The following PFKFB3 variants were observed in gnomAD, a reference collection of about 807,000 sequenced individuals.
PFKFB3 encodes 6-phosphofructo-2-kinase/fructose-2,6-bisphosphatase 3.
PFKFB3 carries 33 observed loss-of-function variants against 68.0 expected under a neutral mutation model. The ratio of observed to expected loss-of-function variants is 0.49; its 90% CI spans 0.37 to 0.65. The LOEUF (loss-of-function observed/expected upper bound fraction) is 0.65. Among genes scored for constraint, PFKFB3 ranks in the 30% least tolerant of loss-of-function variants. The pLI is 0.00. For synonymous variants in PFKFB3, 315 were observed against 288.2 expected (o/e 1.09, Z -0.94); for missense variants, 586 against 712.2 (o/e 0.82, Z 2.02).
Position 6,228,101 on chromosome 10 carries a change from T to A in PFKFB3, c.1515+1736T>A. On this transcript the variant is annotated intron_variant, in intron 14 of 14. Coordinates refer to ENST00000379775, the MANE Select transcript of PFKFB3 (RefSeq NM_004566.4). This position sits in a 1 kb window ranked among gnomAD's most constrained non-coding sequence, Gnocchi z 4.5. ...CCAGGTTCTTAGGGACGTCTGAAGC[T>A]GCTGGCTGGGCCGGCGTGGGGTTTT... The A allele has an allele frequency of 7.2e-7, 1 of 1,384,864 alleles. No individual in the cohort carries two copies. Among genetic ancestry groups the A allele is most frequent in the Non-Finnish European group, 1.0e-6 (1 of 975,330 alleles). 85.8% of individuals were successfully genotyped at this position (1,384,864 alleles called of 1,614,324 possible).
the PFKFB3 span, among the ~76,000 whole-genome samples, chr10:6,320,931 C>T: frequency 6.6e-6 from 1 of 152,224 alleles, no homozygotes; most frequent in Admixed American, 6.5e-5. Context: ...CAGTGAATTT[C>T]TGCCCAGTTC....
intron 1 of PFKFB3, among the ~76,000 whole-genome samples, chr10:6,211,547 C>G (rs1844231575): frequency 1.3e-5 from 2 of 152,166 alleles, no homozygotes; most frequent in Admixed American, 1.3e-4. Context: ...CCAGAATGAC[C>G]CTGGGCACGG....
chr10:6,226,414 T>G lies in PFKFB3; in HGVS notation c.1515+49T>G, dbSNP rs770695865. 1.4e-5 allele frequency: 21 copies of G among 1,540,656 alleles called. No individual in the cohort carries two copies. The African/African-American group carries it at 2.5e-4, about 18-fold the overall frequency. On this transcript the variant is annotated intron_variant, in intron 14 of 14. Transcript: ENST00000379775. ...CTGCCTGGGGGACGCATGCCGGGCG[T>G]GATGCCACAGATCTGGGATTGCGTG...
intron 1 of PFKFB3, among the ~76,000 whole-genome samples, chr10:6,186,787 T>C (rs565525098): frequency 2.6e-5 from 4 of 152,286 alleles, no homozygotes; most frequent in African/African-American, 7.2e-5. Context: ...TGTGAGCCAC[T>C]GCACCTAGCC....
chr10:6,172,404 C>G (rs1232006395), intron 1 of PFKFB3, among the ~76,000 whole-genome samples: 1 of 152,198 alleles, frequency 6.6e-6, no homozygotes, highest in East Asian at 1.9e-4. Flanking sequence ...CTTTCCTGGC[C>G]TCATACTTGT....
At chr10:6,196,120 G>C (rs1392688808) in intron 1 of PFKFB3, among the ~76,000 whole-genome samples, 2 of 151,462 alleles carry the variant, frequency 1.3e-5, no homozygotes, top group African/African-American at 4.9e-5. Flanking sequence ...GCTGCCTCGT[G>C]AGCTTGCCTT....
chr10:6,301,315 G>A, the PFKFB3 span, among the ~76,000 whole-genome samples: 1 of 152,134 alleles, frequency 6.6e-6, no homozygotes, highest in Non-Finnish European at 1.5e-5. Context: ...ACACCTGTAA[G>A]GCATCTGGTA....
rs1844479584 is a variant in PFKFB3, at chr10:6,215,159, C to T, written c.203-62C>T. 32 of 1,388,514 alleles carry T rather than the reference C, an allele frequency of 2.3e-5. No individual in the cohort carries two copies. The highest frequency in any genetic ancestry group is 1.4e-4 in the Admixed American group (8 of 59,106). 86.0% of individuals were successfully genotyped at this position (1,388,514 alleles called of 1,614,324 possible). A position where few individuals can be genotyped will look rare whatever the true frequency, so the allele number is the denominator to read the frequency against. ...CTTCCTTTGGTCGATCCTATGGTCC[C>T]GGTGTGAGCTGGCCCCTTCCTCCTG... On this transcript the variant is annotated intron_variant, in intron 2 of 14. Transcript: ENST00000379775. The surrounding 1 kb of genome is among the most constrained non-coding windows in gnomAD (Gnocchi z 4.3).
chr10:6,314,786 C>A, the PFKFB3 span, among the ~76,000 whole-genome samples: 1 of 152,146 alleles, frequency 6.6e-6, no homozygotes, highest in African/African-American at 2.4e-5. Flanking sequence ...GACAGCCTGA[C>A]GGGAAGGGCT....
At position 6,220,845 on chromosome 10, in the gene PFKFB3, C is replaced by T; in HGVS notation, c.811C>T (p.Leu271=). The change falls in exon 8 of 15, where the codon CTG becomes TTG. Residue 271 remains leucine, a synonymous_variant. Transcript: ENST00000379775. This position sits in a 1 kb window ranked among gnomAD's most constrained non-coding sequence, Gnocchi z 4.1. ...GGGCCGCATCGGGGGCGACTCAGGC[C>T]TGTCCAGCCGGGGCAAGAAGGTGCG... ...LQGRIGGDSG[L]SSRGKKFASA... 2 of 1,612,252 alleles carry T rather than the reference C, an allele frequency of 1.2e-6. No homozygotes were observed. Among genetic ancestry groups the T allele is most frequent in the Non-Finnish European group, 1.7e-6 (2 of 1,179,998 alleles).
chr10:6,250,283 C>A (rs893509499), intron 14 of PFKFB3, among the ~76,000 whole-genome samples: 1 of 151,926 alleles, frequency 6.6e-6, no homozygotes, highest in Non-Finnish European at 1.5e-5. Context: ...GAGGCGGGGT[C>A]GGCCAGGCGC....
intron 1 of PFKFB3, among the ~76,000 whole-genome samples, chr10:6,204,794 T>C (rs1843577890): frequency 6.6e-6 from 1 of 152,274 alleles, no homozygotes; most frequent in African/African-American, 2.4e-5. Context: ...GAAACAACTT[T>C]TGCATAAAGC....
chr10:6,164,902 A>T (rs971759003), intron 1 of PFKFB3, among the ~76,000 whole-genome samples: 2 of 152,036 alleles, frequency 1.3e-5, no homozygotes, highest in Non-Finnish European at 2.9e-5. Context: ...CTCCTATCTC[A>T]GAATAGAACG....
the PFKFB3 span, among the ~76,000 whole-genome samples, chr10:6,275,390 ACAGGAAGTAGCTGACACTCCATGC>A: frequency 6.6e-5 from 10 of 152,200 alleles, no homozygotes; most frequent in Non-Finnish European, 1.3e-4. The surrounding 1 kb of genome is among the most constrained non-coding windows in gnomAD (Gnocchi z 4.9). Flanking sequence ...CCTGACTCAG[ACAGGAAGTAGCTGACACTCCATGC>A]CAGGAAGTAG....
chr10:6,157,676 C>G (rs1460977651), intron 1 of PFKFB3, among the ~76,000 whole-genome samples: 1 of 152,148 alleles, frequency 6.6e-6, no homozygotes, highest in East Asian at 1.9e-4. Context: ...CAAAGGGAAC[C>G]CACTTCAAGC....
At chr10:6,206,374 A>ATCC (rs1843687857) in intron 1 of PFKFB3, among the ~76,000 whole-genome samples, 2 of 134,596 alleles carry the variant, frequency 1.5e-5, no homozygotes, top group African/African-American at 2.9e-5. Flanking sequence ...CACAGCAACC[A>ATCC]TCCGATTTCT....
intron 1 of PFKFB3, among the ~76,000 whole-genome samples, chr10:6,179,048 G>A (rs1842624211): frequency 6.6e-6 from 1 of 152,244 alleles, no homozygotes; most frequent in African/African-American, 2.4e-5. Flanking sequence ...GAAAGGCAAT[G>A]TGTTCAAAGT....
At chr10:6,169,563 G>A (rs981460505) in intron 1 of PFKFB3, among the ~76,000 whole-genome samples, 8 of 152,152 alleles carry the variant, frequency 5.3e-5, no homozygotes, top group Non-Finnish European at 1.0e-4. Flanking sequence ...GTTCTCCTGG[G>A]ATAAGATGGG....
intron 1 of PFKFB3, among the ~76,000 whole-genome samples, chr10:6,180,263 A>G (rs897214577): frequency 1.3e-5 from 2 of 152,212 alleles, no homozygotes; most frequent in Non-Finnish European, 2.9e-5. Flanking sequence ...AGACAGCATG[A>G]ACCTCAGGTT....
Sources: allele counts gnomAD v4.1 joint callset (sites outside exome capture counted in the v4.1 genomes callset), GRCh38; gene constraint gnomAD v4.1.1; non-coding constraint Gnocchi (gnomAD v3.1); transcripts MANE v1.5; gene names NCBI Gene and HGNC (gene_info 2026-07-23, HGNC 2026-07-21).